CXXC5: variants seen among roughly 807,000 people sequenced by gnomAD.
CXXC5 encodes the protein CXXC-type zinc finger protein 5.
In CXXC5, 2 loss-of-function variants were observed where a neutral mutation model predicts 17.6. The observed-to-expected ratio is 0.11, with a 90% CI of 0.05 to 0.36. CXXC5 has a LOEUF of 0.36. CXXC5 is among the 10% of genes least tolerant of loss of function. The pLI is 1.00. For synonymous variants in CXXC5, 171 were observed against 193.0 expected, an observed-to-expected ratio of 0.89 and a Z score of 0.94; for missense variants, 343 against 458.3, an observed-to-expected ratio of 0.75 and a Z score of 2.30.
At position 139,680,711 on chromosome 5, in the gene CXXC5, G is replaced by T. The variant is rs763354364; in HGVS notation, c.188G>T (p.Gly63Val). Reference sequence around the variant, plus strand: ...CCCCCCGAGCGTCGGAACAAGAGCGGTATCATCAGTGAGCCCCTCAACAAG... The same window carrying T: ...CCCCCCGAGCGTCGGAACAAGAGCGTTATCATCAGTGAGCCCCTCAACAAG... The part of the protein sequence containing the change: ...TPPPERRNKS[G>V]IISEPLNKSL... The change falls in exon 2 of 3, where the codon GGT (glycine) becomes GTT (valine). Residue 63 changes from glycine (G) to valine (V), a missense_variant. Transcript: ENST00000302517. 1.4e-5 allele frequency: 22 copies of T among 1,613,352 alleles called. No homozygotes were observed. Among genetic ancestry groups the T allele is most frequent in the Non-Finnish European group, 1.8e-5 (21 of 1,180,024 alleles).
Position 139,661,084 on chromosome 5 carries a change from T to C in CXXC5, c.-161+12239T>C, listed in dbSNP as rs1755780652. 6.6e-6 allele frequency among the ~76,000 whole-genome samples: 1 copy of C among 152,124 alleles called. No homozygotes were observed. The highest frequency in any genetic ancestry group is 1.5e-5 in the Non-Finnish European group (1 of 68,004). Reference sequence around the variant, plus strand: ...ACAGCCTCCCCCACCTCCGCCCTCATGCTCTTCCCCATGCTGCAGCCTCCC... The same window carrying C: ...ACAGCCTCCCCCACCTCCGCCCTCACGCTCTTCCCCATGCTGCAGCCTCCC... On this transcript the variant is annotated intron_variant, in intron 1 of 2. Transcript: ENST00000302517. The surrounding 1 kb of genome is among the most constrained non-coding windows in gnomAD (Gnocchi z 4.7).
intron 2 of CXXC5, 94 bp from the exon 3 acceptor site, chr5:139,682,769 G>A: frequency 4.6e-6 from 6 of 1,298,890 alleles, no homozygotes; most frequent in South Asian, 1.6e-5. Flanking sequence ...CTGTCCCTCC[G>A]CCATGAGGCC....
chr5:139,648,876 C>G (rs1406891272), intron 1 of CXXC5, 31 bp downstream of exon 1: 2 of 152,168 alleles, frequency 1.3e-5, no homozygotes, highest in African/African-American at 2.4e-5. Flanking sequence ...CTCCCTCGAC[C>G]CCCCCCGGAG....
rs1263930547 is a variant in CXXC5, at chr5:139,668,465, C to T, written c.-160-11899C>T. The stretch of plus-strand genomic sequence containing the variant: ...CGACTAATTAGGCCCGGCTACCTCC[C>T]GCGCCGCCCACTGCCCGCTCCAGGC... On this transcript the variant is annotated intron_variant, in intron 1 of 2. Coordinates refer to ENST00000302517, the MANE Select transcript of CXXC5 (RefSeq NM_016463.9). This position sits in a 1 kb window ranked among gnomAD's most constrained non-coding sequence, Gnocchi z 4.1. 6.6e-6 allele frequency among the ~76,000 whole-genome samples: 1 copy of T among 152,164 alleles called. No individual in the cohort carries two copies. The highest frequency in any genetic ancestry group is 1.5e-5 in the Non-Finnish European group (1 of 68,016).
chr5:139,671,093 C>T (rs1478568903), intron 1 of CXXC5, among the ~76,000 whole-genome samples: 1 of 152,240 alleles, frequency 6.6e-6, no homozygotes, highest in Non-Finnish European at 1.5e-5. Context: ...TCCAGGGAGC[C>T]TCGGAGAGTG....
chr5:139,682,700 C>A (rs554694530), intron 2 of CXXC5, among the ~76,000 whole-genome samples, 163 bp from the exon 3 acceptor site: 2 of 152,334 alleles, frequency 1.3e-5, no homozygotes, highest in East Asian at 1.9e-4. Flanking sequence ...GGTCAAGCGC[C>A]TCCTTTGGCC....
At position 139,670,354 on chromosome 5, in the gene CXXC5, A is replaced by G. The variant is rs2126791898; in HGVS notation, c.-160-10010A>G. Among the ~76,000 whole-genome samples the G allele has an allele frequency of 6.6e-6, 1 of 152,322 alleles. No individual in the cohort carries two copies. Among genetic ancestry groups the G allele is most frequent in the Middle Eastern group, 3.4e-3 (1 of 294 alleles). On this transcript the variant is annotated intron_variant, in intron 1 of 2. Transcript: ENST00000302517. This position sits in a 1 kb window ranked among gnomAD's most constrained non-coding sequence, Gnocchi z 4.2. ...GACAGGTGTCCCCCTTAGAGCTGGG[A>G]CAGATTCTCAGCTAGTGGAACCCTG...
intron 1 of CXXC5, among the ~76,000 whole-genome samples, chr5:139,667,219 G>A (rs1325418782): frequency 6.6e-6 from 1 of 152,180 alleles, no homozygotes; most frequent in Non-Finnish European, 1.5e-5. Context: ...TGTGTAGGCT[G>A]GTTATGGGGT....
chr5:139,681,317 T>C lies in CXXC5; in HGVS notation c.794T>C (p.Met265Thr). The C allele has an allele frequency of 1.2e-6, 2 of 1,612,804 alleles. No homozygotes were observed. Among genetic ancestry groups the C allele is most frequent in the Non-Finnish European group, 1.7e-6 (2 of 1,179,900 alleles). Residue 265 changes from methionine to threonine, a missense_variant, in exon 2 of 3, where the codon ATG (methionine) becomes ACG (threonine). Transcript: ENST00000302517. ...SGKKKRKRCG[M>T]CAPCRRRINC... ...AAGAAGAAGCGGAAACGCTGCGGCA[T>C]GTGCGCGCCCTGCCGGCGGCGCATC... is the stretch of plus-strand genomic sequence containing the variant.
intron 1 of CXXC5, among the ~76,000 whole-genome samples, chr5:139,654,164 AC>A (rs1425166695): frequency 6.6e-6 from 1 of 150,948 alleles, no homozygotes; most frequent in East Asian, 1.9e-4. Context: ...CATCTCCCCA[AC>A]CCCCCACGGC....
intron 1 of CXXC5, among the ~76,000 whole-genome samples, chr5:139,653,391 C>T (rs542432361): frequency 2.0e-5 from 3 of 152,298 alleles, no homozygotes; most frequent in Admixed American, 2.0e-4. Flanking sequence ...TGCTGGGAAG[C>T]CTGCCCCTAT....
chr5:139,647,590 A>G (rs1207080579), upstream of CXXC5, among the ~76,000 whole-genome samples: 3 of 152,104 alleles, frequency 2.0e-5, no homozygotes, highest in African/African-American at 4.8e-5. Flanking sequence ...CTGTCTTTCA[A>G]TCAGTACCTA....
intron 1 of CXXC5, among the ~76,000 whole-genome samples, chr5:139,678,346 A>G (rs1218854385): frequency 6.6e-6 from 1 of 152,062 alleles, no homozygotes; most frequent in Non-Finnish European, 1.5e-5. Flanking sequence ...TTGGACACAC[A>G]TGGTCTTCTT....
chr5:139,680,987 C>T lies in CXXC5; in HGVS notation c.464C>T (p.Ala155Val). ...AAGGCAGAGCGGGCCACGGAGCTGGCAGCCGAGGGACAGCTGACGCTGCAG... is the reference window on the plus strand; with the variant it reads ...AAGGCAGAGCGGGCCACGGAGCTGGTAGCCGAGGGACAGCTGACGCTGCAG... ...LSKAERATEL[A>V]AEGQLTLQQF... The change falls in exon 2 of 3, where the codon GCA becomes GTA. Residue 155 changes from alanine (A) to valine (V), a missense_variant. Physicochemically the swap from Ala to Val is moderately conservative, Grantham distance 64. Around this residue, in one of 4 missense-constraint regions of CXXC5, gnomAD observed 297 missense variants for 363.4 expected, o/e 0.82. Transcript: ENST00000302517. 3 of 1,603,214 alleles carry T rather than the reference C, an allele frequency of 1.9e-6. No homozygotes were observed. The highest frequency in any genetic ancestry group is 2.5e-6 in the Non-Finnish European group (3 of 1,179,932).
intron 1 of CXXC5, among the ~76,000 whole-genome samples, chr5:139,659,064 C>T (rs779440930): frequency 1.3e-5 from 2 of 152,186 alleles, no homozygotes; most frequent in Non-Finnish European, 1.5e-5. Flanking sequence ...GTGGGGGATG[C>T]GTGGCTCTCT....
Position 139,663,820 on chromosome 5 carries a change from A to T in CXXC5, c.-161+14975A>T, listed in dbSNP as rs773021883. ...GGACGCTACACTGACCCCTTCACAT[A>T]GGTCCTCTCCAGGACCTGACGAGGT... On this transcript the variant is annotated intron_variant, in intron 1 of 2. Coordinates refer to ENST00000302517, the MANE Select transcript of CXXC5 (RefSeq NM_016463.9). This position sits in a 1 kb window ranked among gnomAD's most constrained non-coding sequence, Gnocchi z 4.2. Among the ~76,000 whole-genome samples the T allele has an allele frequency of 2.6e-5, 4 of 152,202 alleles. No individual in the cohort carries two copies. Among genetic ancestry groups the T allele is most frequent in the Non-Finnish European group, 5.9e-5 (4 of 68,030 alleles).
chr5:139,667,336 A>G (rs1756162775), intron 1 of CXXC5, among the ~76,000 whole-genome samples: 1 of 152,142 alleles, frequency 6.6e-6, no homozygotes, highest in Non-Finnish European at 1.5e-5. Context: ...TTCTCTGCAC[A>G]GACTTTTTTA....
intron 1 of CXXC5, among the ~76,000 whole-genome samples, chr5:139,667,121 ACT>A (rs1014340110): frequency 6.6e-6 from 1 of 151,894 alleles, no homozygotes; most frequent in Non-Finnish European, 1.5e-5. Context: ...CATCCCTGTC[ACT>A]CTGATGTGGT....
intron 1 of CXXC5, among the ~76,000 whole-genome samples, chr5:139,678,547 G>A (rs577206158): frequency 6.6e-6 from 1 of 152,272 alleles, no homozygotes; most frequent in Admixed American, 6.5e-5. Context: ...TGTTGATGGC[G>A]GCTACTCGCC....
Sources: allele counts gnomAD v4.1 joint callset (sites outside exome capture counted in the v4.1 genomes callset), GRCh38; gene constraint gnomAD v4.1.1; regional missense constraint gnomAD v4.1.1; non-coding constraint Gnocchi (gnomAD v3.1); transcripts MANE v1.5; gene names NCBI Gene and HGNC (gene_info 2026-07-23, HGNC 2026-07-21).